The following RABL6 variants were observed in gnomAD, a reference collection of about 807,000 sequenced individuals.
RABL6 encodes rab-like protein 6.
A neutral mutation model predicts 72.9 loss-of-function variants in RABL6; 28 were observed. That is an observed-to-expected ratio of 0.38 (90% CI 0.28 to 0.53). The LOEUF is 0.53. Ranked by LOEUF, RABL6 falls within the 20% of genes least tolerant of loss-of-function variation. RABL6 has a pLI of 0.80. For missense variants in RABL6, 1,029 were observed against 1,008.4 expected, an observed-to-expected ratio of 1.02 and a Z score of -0.28; for synonymous variants, 477 against 421.2, an observed-to-expected ratio of 1.13 and a Z score of -1.62.
Position 136,839,488 on chromosome 9 carries a change from T to TA in RABL6, c.1758+4dup, listed in dbSNP as rs754878391. The TA allele has an allele frequency of 2.5e-6, 4 of 1,607,104 alleles. No homozygotes were observed. Among genetic ancestry groups the TA allele is most frequent in the Non-Finnish European group, 3.4e-6 (4 of 1,175,694 alleles). On this transcript the variant is annotated splice_region_variant and intron_variant, in intron 12 of 14. Transcript: ENST00000311502. ...GGATCAGACACACAGCGCAGGGCGG[T>TA]AAGACGAGTCCTCCCGGGGCAGAGG... is the stretch of plus-strand genomic sequence containing the variant.
In RABL6 at chr9:136,833,767, G is replaced by C; in HGVS notation, c.705+1397G>C. On this transcript the variant is annotated intron_variant, in intron 7 of 14. Coordinates refer to ENST00000311502, the MANE Select transcript of RABL6 (RefSeq NM_024718.5). ...AAAGGGGCTGTGCTGTCGTCCTGGT[G>C]TCAGAAGAAGTGAGGATGCCTGCAG... 2.6e-6 allele frequency: 4 copies of C among 1,550,536 alleles called. No homozygotes were observed. The East Asian group carries it at 9.8e-5, about 38-fold the overall frequency.
intron 1 of RABL6, among the ~76,000 whole-genome samples, chr9:136,810,243 C>T (rs1433942340): frequency 6.6e-6 from 1 of 152,050 alleles, no homozygotes; most frequent in East Asian, 1.9e-4. Context: ...AAAGGCTCCC[C>T]GAGGGTCCTG....
At chr9:136,830,025 C>CG (rs958619381) in intron 5 of RABL6, among the ~76,000 whole-genome samples, 18 of 152,300 alleles carry the variant, frequency 1.2e-4, no homozygotes, top group African/African-American at 3.8e-4. Context: ...GGAGCCCCAG[C>CG]GGGGGGGTGC....
At chr9:136,812,266 T>C (rs190613656) in intron 1 of RABL6, among the ~76,000 whole-genome samples, 3 of 152,126 alleles carry the variant, frequency 2.0e-5, no homozygotes, top group African/African-American at 7.2e-5. Flanking sequence ...AATTTAGAAA[T>C]GGGACTTAGC....
chr9:136,816,521 C>A (rs1434408891), intron 1 of RABL6, among the ~76,000 whole-genome samples: 1 of 152,058 alleles, frequency 6.6e-6, no homozygotes, highest in Non-Finnish European at 1.5e-5. Flanking sequence ...TTGAGACCAG[C>A]CTGGCCAACA....
intron 1 of RABL6, chr9:136,821,856 C>T: frequency 2.4e-6 from 3 of 1,232,762 alleles, no homozygotes; most frequent in Non-Finnish European, 3.1e-6. Flanking sequence ...CCGGGAGAAG[C>T]GCGGAGCCTC....
chr9:136,822,659 A>G (rs1246424347), intron 1 of RABL6, among the ~76,000 whole-genome samples: 1 of 151,312 alleles, frequency 6.6e-6, no homozygotes, highest in Non-Finnish European at 1.5e-5. Context: ...TCCCTCCCCC[A>G]TCACATTTTC....
chr9:136,819,661 C>T (rs1848199063), intron 1 of RABL6, among the ~76,000 whole-genome samples: 1 of 152,140 alleles, frequency 6.6e-6, no homozygotes, highest in African/African-American at 2.4e-5. Context: ...ACAGTGATGC[C>T]ATATGCAGAA....
At chr9:136,831,946 G>A in intron 6 of RABL6, 85 bp downstream of exon 6, 2 of 1,487,118 alleles carry the variant, frequency 1.3e-6, no homozygotes, top group Non-Finnish European at 8.9e-7. Flanking sequence ...GCCCAGGGAG[G>A]GGTTAACGTT....
rs2131177292 is a variant in RABL6, at chr9:136,823,514, C to T, written c.131-11C>T. ...TTAATTTGCCTTTTCTTTTTCTCTT[C>T]CCGTCCCCAGTGAAGATAGTGATCC... On this transcript the variant is annotated splice_polypyrimidine_tract_variant and intron_variant, in intron 1 of 14. Transcript: ENST00000311502. 2.5e-6 allele frequency: 4 copies of T among 1,613,178 alleles called. No homozygotes were observed. Among genetic ancestry groups the T allele is most frequent in the East Asian group, 4.5e-5 (2 of 44,862 alleles).
At chr9:136,809,954 G>T (rs1309484436) in intron 1 of RABL6, 1 of 152,704 alleles carries the variant, frequency 6.5e-6, no homozygotes, top group East Asian at 1.9e-4. Context: ...AAGAAGTCAC[G>T]TGACTGGAAC....
At position 136,825,836 on chromosome 9, in the gene RABL6, C is replaced by T. The variant is rs188515072; in HGVS notation, c.313+10C>T. 6.2e-7 allele frequency: 1 copy of T among 1,609,028 alleles called. No individual in the cohort carries two copies. Among genetic ancestry groups the T allele is most frequent in the Non-Finnish European group, 8.5e-7 (1 of 1,175,396 alleles). On this transcript the variant is annotated intron_variant, in intron 3 of 14. Coordinates refer to ENST00000311502, the MANE Select transcript of RABL6 (RefSeq NM_024718.5). The stretch of plus-strand genomic sequence containing the variant: ...GATGTAGTAGACAAAGGTGAGGCGT[C>T]TCTGTTCTGTGTCTGCTTCTCTCTG...
chr9:136,814,306 C>T (rs1051075362), intron 1 of RABL6: 4 of 177,166 alleles, frequency 2.3e-5, no homozygotes, highest in South Asian at 1.1e-4. Context: ...CTCAGCCTCC[C>T]CAGTAGCTGG....
chr9:136,820,567 CTCCATGTTG>C (rs1848216084), intron 1 of RABL6, among the ~76,000 whole-genome samples: 2 of 152,152 alleles, frequency 1.3e-5, no homozygotes, highest in African/African-American at 4.8e-5. Flanking sequence ...TACGGGGTTT[CTCCATGTTG>C]TCCAGGCTGG....
intron 1 of RABL6, among the ~76,000 whole-genome samples, chr9:136,816,033 A>G (rs1588348925): frequency 6.6e-6 from 1 of 151,934 alleles, no homozygotes; most frequent in East Asian, 1.9e-4. Flanking sequence ...TGCAGCCAAC[A>G]TTTAAGATTC....
chr9:136,825,861 G>C (rs1341820432), intron 3 of RABL6, 35 bp downstream of exon 3: 1 of 1,591,460 alleles, frequency 6.3e-7, no homozygotes. Flanking sequence ...GCTTCTCTCT[G>C]GGACTGTGTG....
At position 136,840,635 on chromosome 9, in the gene RABL6, T is replaced by C. The variant is rs550585130; in HGVS notation, c.*113T>C. 21 of 1,549,614 alleles carry C rather than the reference T, an allele frequency of 1.4e-5. 1 individual carries two copies. Among genetic ancestry groups the C allele is most frequent in the East Asian group, 1.2e-4 (5 of 40,876 alleles). Reference sequence around the variant, plus strand: ...GCTGCCCCGTGGCTGCCGTGTGCGCTTCTGAGCTGGAAGAGGCCGGGCATT... The same window carrying C: ...GCTGCCCCGTGGCTGCCGTGTGCGCCTCTGAGCTGGAAGAGGCCGGGCATT... On this transcript the variant is annotated 3_prime_UTR_variant, in exon 15 of 15. Coordinates refer to ENST00000311502, the MANE Select transcript of RABL6 (RefSeq NM_024718.5).
chr9:136,840,442 G>A lies in RABL6; in HGVS notation c.2110G>A (p.Ala704Thr). 1.3e-6 allele frequency: 2 copies of A among 1,547,786 alleles called. No homozygotes were observed. Among genetic ancestry groups the A allele is most frequent in the Middle Eastern group, 1.8e-4 (1 of 5,664 alleles). Residue 704 changes from alanine (A) to threonine (T), a missense_variant, in exon 15 of 15, where the codon GCC becomes ACC. Around this residue, in one of 2 missense-constraint regions of RABL6, gnomAD observed 595 missense variants for 472.4 expected, o/e 1.26. Coordinates refer to ENST00000311502, the MANE Select transcript of RABL6 (RefSeq NM_024718.5). Reference protein sequence around the residue: ...RPPRSRERTAADELEAFLGGG... With the variant: ...RPPRSRERTATDELEAFLGGG... ...CCCGCGCAGCAGGGAGAGGACGGCT[G>A]CCGATGAGCTGGAGGCTTTCCTGGG...
At chr9:136,820,348 G>A (rs748791314) in intron 1 of RABL6, among the ~76,000 whole-genome samples, 4 of 152,154 alleles carry the variant, frequency 2.6e-5, no homozygotes, top group African/African-American at 4.8e-5. Context: ...TAGCCTGGGT[G>A]ACAGTGAGAC....
Sources: gnomAD v4.1 joint callset for allele counts (sites outside exome capture counted in the v4.1 genomes callset) on GRCh38, gnomAD v4.1.1 for gene constraint, gnomAD v4.1.1 regional missense constraint, MANE v1.5 for transcripts, NCBI Gene and HGNC (gene_info 2026-07-23, HGNC 2026-07-21) for gene names.